Variants in ZNF536 observed in about 807,000 individuals in gnomAD.
ZNF536 encodes the protein zinc finger protein 536.
In ZNF536, 13 loss-of-function variants were observed where a neutral mutation model predicts 84.5. The ratio of observed to expected loss-of-function variants is 0.15; its 90% CI spans 0.10 to 0.24. The LOEUF (loss-of-function observed/expected upper bound fraction) is 0.24, where lower values mean the gene tolerates loss of function less well. Ranked by LOEUF, ZNF536 falls within the 10% of genes least tolerant of loss-of-function variation. The probability of loss-of-function intolerance (pLI) is 1.00; values close to 1 mark genes in which losing one functional copy is unlikely to be tolerated. For missense variants in ZNF536, 1,536 were observed against 1,747.5 expected (o/e 0.88, Z 2.16); for synonymous variants, 811 against 742.5 (o/e 1.09, Z -1.50).
intron 1 of ZNF536, among the ~76,000 whole-genome samples, chr19:30,264,332 G>T (rs1050921220): frequency 2.6e-5 from 4 of 152,036 alleles, no homozygotes; most frequent in Admixed American, 1.3e-4. Context: ...ACAATGCTGT[G>T]GGGGAGGGGG....
chr19:30,332,980 G>A (rs1368496375), intron 2 of ZNF536, among the ~76,000 whole-genome samples: 1 of 152,136 alleles, frequency 6.6e-6, no homozygotes, highest in Non-Finnish European at 1.5e-5. Context: ...TACTCGGGAG[G>A]CTGAGGCGGG....
intron 1 of ZNF536, among the ~76,000 whole-genome samples, chr19:30,631,811 A>G (rs1424973312): frequency 6.6e-6 from 1 of 152,208 alleles, no homozygotes; most frequent in East Asian, 1.9e-4. Context: ...TCTGTTCTTC[A>G]GCTTTAATAA....
chr19:30,323,567 C>T (rs2046926541), intron 2 of ZNF536, among the ~76,000 whole-genome samples: 1 of 152,160 alleles, frequency 6.6e-6, no homozygotes, highest in Non-Finnish European at 1.5e-5. Flanking sequence ...AATAAACATA[C>T]TATCTCTATC....
At chr19:30,654,804 T>C (rs2049843441) in intron 1 of ZNF536, among the ~76,000 whole-genome samples, 1 of 152,094 alleles carries the variant, frequency 6.6e-6, no homozygotes, top group Admixed American at 6.6e-5. Context: ...TGCTGAGCTC[T>C]ACACTTCAGC....
chr19:30,501,215 T>C (rs1351242449), intron 2 of ZNF536, among the ~76,000 whole-genome samples: 1 of 152,230 alleles, frequency 6.6e-6, no homozygotes, highest in Non-Finnish European at 1.5e-5. Context: ...TGCTAAGTTC[T>C]GTTCTTGTCT....
chr19:30,654,007 T>C lies in ZNF536; in HGVS notation c.170-56750T>C, dbSNP rs559984671. On this transcript the variant is annotated intron_variant, in intron 1 of 1. Transcript: ENST00000592773. Reference sequence around the variant, plus strand: ...CTTCTGGCAAGTGCCATCTTCCTCTTTGAGGAGCTGTTCCTTAGCTCTCTA... The same window carrying C: ...CTTCTGGCAAGTGCCATCTTCCTCTCTGAGGAGCTGTTCCTTAGCTCTCTA... Among the ~76,000 whole-genome samples the C allele has an allele frequency of 8.5e-5, 13 of 152,320 alleles. No homozygotes were observed. The South Asian group carries it at 2.7e-3, about 32-fold the overall frequency.
intron 1 of ZNF536, among the ~76,000 whole-genome samples, chr19:30,649,093 G>C (rs558077136): frequency 2.0e-5 from 3 of 152,300 alleles, no homozygotes; most frequent in African/African-American, 7.2e-5. Flanking sequence ...CCACCTCACT[G>C]TATGCCCGAC....
Position 30,702,386 on chromosome 19 carries a change from C to T in ZNF536, c.170-8371C>T, listed in dbSNP as rs139005236. 5.3e-5 allele frequency among the ~76,000 whole-genome samples: 8 copies of T among 152,112 alleles called. No individual in the cohort carries two copies. The East Asian group carries it at 1.2e-3, about 22-fold the overall frequency. ...ATTAACGTATGATGTACTTACTTTT[C>T]GCATGGCAGTGATGGGAAATGTTGA... is the stretch of plus-strand genomic sequence containing the variant. On this transcript the variant is annotated intron_variant, in intron 1 of 1. Transcript: ENST00000592773.
At chr19:30,407,958 A>AT (rs769914404) in intron 1 of ZNF536, among the ~76,000 whole-genome samples, 2 of 151,980 alleles carry the variant, frequency 1.3e-5, no homozygotes, top group Non-Finnish European at 2.9e-5. Context: ...TCCTTTGTTG[A>AT]GAGGAAAGTG....
At chr19:30,388,080 G>A (rs896741515) in intron 1 of ZNF536, among the ~76,000 whole-genome samples, 2 of 152,164 alleles carry the variant, frequency 1.3e-5, no homozygotes, top group Non-Finnish European at 2.9e-5. Flanking sequence ...TGTAAGAGGT[G>A]CTGATTTGGC....
chr19:30,241,783 C>T (rs902031010), intron 1 of ZNF536, among the ~76,000 whole-genome samples: 1 of 152,156 alleles, frequency 6.6e-6, no homozygotes, highest in East Asian at 1.9e-4. Context: ...TAGAGAGACA[C>T]GGAAGTATAT....
chr19:30,412,505 ACT>A (rs1336565448), intron 1 of ZNF536, among the ~76,000 whole-genome samples: 1 of 151,684 alleles, frequency 6.6e-6, no homozygotes, highest in African/African-American at 2.4e-5. Flanking sequence ...TTGGGGGTAA[ACT>A]CTAGTTGTTC....
intron 2 of ZNF536, among the ~76,000 whole-genome samples, chr19:30,483,645 G>T (rs1036086970): frequency 6.6e-6 from 1 of 152,040 alleles, no homozygotes; most frequent in East Asian, 1.9e-4. Flanking sequence ...GGTCTTCATG[G>T]GTTTCCCTCT....
chr19:30,333,473 C>A (rs900910415), intron 2 of ZNF536, among the ~76,000 whole-genome samples: 2 of 152,246 alleles, frequency 1.3e-5, no homozygotes, highest in African/African-American at 2.4e-5. Flanking sequence ...GCTACGTGGC[C>A]ATGAGGCCGC....
intron 1 of ZNF536, among the ~76,000 whole-genome samples, chr19:30,581,785 A>G (rs1037739921): frequency 2.0e-5 from 3 of 151,878 alleles, no homozygotes; most frequent in African/African-American, 7.3e-5. Flanking sequence ...AAAATACTAA[A>G]ATTAGCCGGG....
intron 1 of ZNF536, among the ~76,000 whole-genome samples, chr19:30,440,862 T>G (rs945028563): frequency 2.7e-5 from 4 of 150,674 alleles, no homozygotes; most frequent in African/African-American, 9.8e-5. Context: ...AGATTACAAA[T>G]CTTTGTTAAC....
At chr19:30,593,808 A>G (rs1024597229) in intron 1 of ZNF536, among the ~76,000 whole-genome samples, 18 of 152,216 alleles carry the variant, frequency 1.2e-4, no homozygotes, top group Non-Finnish European at 1.5e-4. Flanking sequence ...TGGCCTTGAG[A>G]GCTGGGGTCT....
At chr19:30,601,234 C>T (rs1369570962) in intron 1 of ZNF536, among the ~76,000 whole-genome samples, 3 of 152,202 alleles carry the variant, frequency 2.0e-5, no homozygotes, top group Non-Finnish European at 4.4e-5. Context: ...CCATATTCTC[C>T]ATTATCCCAG....
At chr19:30,643,711 G>A (rs2049352818) in intron 1 of ZNF536, among the ~76,000 whole-genome samples, 1 of 152,104 alleles carries the variant, frequency 6.6e-6, no homozygotes, top group Non-Finnish European at 1.5e-5. Flanking sequence ...TGGGAGGTGA[G>A]TTTTCACGTA....
Sources: gnomAD v4.1 joint callset for allele counts (sites outside exome capture counted in the v4.1 genomes callset) on GRCh38, gnomAD v4.1.1 for gene constraint, MANE v1.5 for transcripts, NCBI Gene and HGNC (gene_info 2026-07-23, HGNC 2026-07-21) for gene names.